INO80: variants seen among roughly 807,000 people sequenced by gnomAD.
INO80 encodes INO80 complex ATPase subunit, also known as chromatin-remodeling ATPase INO80.
INO80 carries 20 observed loss-of-function variants against 203.4 expected under a neutral mutation model. The ratio of observed to expected loss-of-function variants is 0.10; its 90% CI spans 0.07 to 0.14. INO80 has a LOEUF of 0.14. Among genes scored for constraint, INO80 ranks in the 10% least tolerant of loss-of-function variants. The pLI is 1.00. For synonymous variants in INO80, 726 were observed against 685.2 expected (o/e 1.06, Z -0.93); for missense variants, 1,419 against 1,914.4 (o/e 0.74, Z 4.83).
chr15:41,061,093 G>A (rs2045096519), intron 14 of INO80, among the ~76,000 whole-genome samples: 1 of 152,132 alleles, frequency 6.6e-6, no homozygotes, highest in African/African-American at 2.4e-5. Context: ...GATCACCTGA[G>A]CATGGGAGTT....
chr15:40,980,749 A>G (rs1187719321), intron 35 of INO80, among the ~76,000 whole-genome samples: 1 of 152,204 alleles, frequency 6.6e-6, no homozygotes, highest in African/African-American at 2.4e-5. Flanking sequence ...CTGAGACACC[A>G]AAGTTACAGG....
At chr15:41,052,807 T>C (rs2044902997) in intron 19 of INO80, among the ~76,000 whole-genome samples, 1 of 149,188 alleles carries the variant, frequency 6.7e-6, no homozygotes, top group African/African-American at 2.5e-5. Flanking sequence ...GGTGAATCCT[T>C]TGAACTCAGT....
At chr15:41,016,430 T>C (rs183728365) in intron 26 of INO80, among the ~76,000 whole-genome samples, 1 of 152,316 alleles carries the variant, frequency 6.6e-6, no homozygotes, top group Admixed American at 6.5e-5. Flanking sequence ...GAAGTGCAGA[T>C]TCCCTGATCA....
chr15:41,099,408 C>T (rs984803276), intron 1 of INO80, among the ~76,000 whole-genome samples: 3 of 151,520 alleles, frequency 2.0e-5, no homozygotes, highest in Admixed American at 6.6e-5. Flanking sequence ...ATATACTGAA[C>T]TGTATATTTT....
At chr15:41,107,010 T>C (rs1221847292) in intron 1 of INO80, among the ~76,000 whole-genome samples, 1 of 152,234 alleles carries the variant, frequency 6.6e-6, no homozygotes, top group Non-Finnish European at 1.5e-5. Flanking sequence ...TCAATTAAAG[T>C]ATAACGCTTA....
At chr15:41,082,234 G>A (rs1263016029) in intron 7 of INO80, among the ~76,000 whole-genome samples, 1 of 128,528 alleles carries the variant, frequency 7.8e-6, no homozygotes, top group Non-Finnish European at 1.6e-5. Flanking sequence ...TGGGTGACAA[G>A]AGCAAAACTC....
At chr15:40,981,812 C>T (rs1178862671) in intron 35 of INO80, among the ~76,000 whole-genome samples, 2 of 152,228 alleles carry the variant, frequency 1.3e-5, no homozygotes, top group Non-Finnish European at 2.9e-5. Flanking sequence ...AGCTCCTGCC[C>T]AGCAGGCCTC....
intron 15 of INO80, among the ~76,000 whole-genome samples, chr15:41,059,489 G>T (rs1164781978): frequency 2.0e-5 from 3 of 150,380 alleles, no homozygotes; most frequent in African/African-American, 7.3e-5. Context: ...GCCGGGCATG[G>T]TGTAGCGAGC....
At chr15:41,050,678 T>C (rs2044853729) in intron 19 of INO80, among the ~76,000 whole-genome samples, 1 of 152,176 alleles carries the variant, frequency 6.6e-6, no homozygotes, top group Non-Finnish European at 1.5e-5. Context: ...TCTGATATAG[T>C]ATAGACTGAT....
chr15:41,110,733 GTTT>G (rs1199633214), intron 1 of INO80, among the ~76,000 whole-genome samples: 1 of 152,110 alleles, frequency 6.6e-6, no homozygotes, highest in Non-Finnish European at 1.5e-5. Context: ...GAAGGTCTTG[GTTT>G]TTTATTTTAA....
intron 24 of INO80, among the ~76,000 whole-genome samples, chr15:41,044,078 C>CA (rs1480833554): frequency 6.6e-6 from 1 of 152,114 alleles, no homozygotes. Flanking sequence ...TGAATAATAG[C>CA]AAATCTCACA....
chr15:41,009,728 T>G (rs1030499118), intron 27 of INO80, among the ~76,000 whole-genome samples: 6 of 151,986 alleles, frequency 3.9e-5, no homozygotes, highest in Non-Finnish European at 8.8e-5. Flanking sequence ...GTTGGAACTA[T>G]AGGCATGCAC....
In INO80 at chr15:41,092,876, A is replaced by G. The variant is rs1041250985; in HGVS notation, c.382-694T>C. ...GTTCGAGACTAGCTTGGGCAACCTA[A>G]TAAGATCTCTTCTCTACAGAAAAAG... On this transcript the variant is annotated intron_variant, in intron 4 of 35. Transcript: ENST00000648947. 1.2e-4 allele frequency among the ~76,000 whole-genome samples: 18 copies of G among 152,148 alleles called. No homozygotes were observed. In the East Asian group the frequency reaches 3.3e-3, roughly 28 times the overall value.
Position 41,087,569 on chromosome 15 carries a change from T to C in INO80, c.651A>G (p.Lys217=). 1 of 1,613,758 alleles carries C rather than the reference T, an allele frequency of 6.2e-7. No individual in the cohort carries two copies. The highest frequency in any genetic ancestry group is 1.3e-5 in the African/African-American group (1 of 75,030). The change falls in exon 6 of 36, where the codon AAA becomes AAG. Residue 217 remains lysine (K), a synonymous_variant. Coordinates refer to ENST00000648947, the MANE Select transcript of INO80 (RefSeq NM_017553.3). ...PKKKKFKEEK[K]LKAKLKKVKK... ...GCAGTTCAACATGCTCACCTTTAAG[T>C]TTCTTTTCCTCCTTAAATTTCTTTT...
chr15:41,074,122 A>G (rs1480082684), intron 10 of INO80, among the ~76,000 whole-genome samples: 5 of 152,178 alleles, frequency 3.3e-5, no homozygotes, highest in Non-Finnish European at 7.3e-5. Flanking sequence ...TTCTACTAAC[A>G]AATCACAACA....
chr15:40,997,499 T>C (rs1195863942), intron 29 of INO80, 30 bp downstream of exon 29: 1 of 1,432,770 alleles, frequency 7.0e-7, no homozygotes, highest in Non-Finnish European at 9.9e-7. Context: ...AAAACCTGCA[T>C]ATCTAGTTGA....
Position 40,997,290 on chromosome 15 carries a change from C to CA in INO80, c.3570+238dup, listed in dbSNP as rs2043892847. ...GAGGCCCCATCTCAAAAAACAAAAACAAAAAAACTTGTTCAAAGAAAATGA... is the reference window on the plus strand; with the variant it reads ...GAGGCCCCATCTCAAAAAACAAAAACAAAAAAAACTTGTTCAAAGAAAATGA... On this transcript the variant is annotated intron_variant, in intron 29 of 35. Transcript: ENST00000648947. Among the ~76,000 whole-genome samples, 3 of 151,744 alleles carry CA rather than the reference C, an allele frequency of 2.0e-5. No individual in the cohort carries two copies. The South Asian group carries it at 6.2e-4, about 32-fold the overall frequency.
chr15:41,033,049 A>C (rs1230597427), intron 24 of INO80, among the ~76,000 whole-genome samples: 2 of 152,144 alleles, frequency 1.3e-5, no homozygotes, highest in Non-Finnish European at 2.9e-5. Context: ...CAACAACAAA[A>C]AAACAAACAA....
intron 27 of INO80, among the ~76,000 whole-genome samples, chr15:41,006,597 T>C (rs770908714): frequency 3.9e-4 from 59 of 152,366 alleles, no homozygotes; most frequent in Non-Finnish European, 8.1e-4. Flanking sequence ...GTAACTCTTA[T>C]ACTTGGTGGG....
Sources: allele counts gnomAD v4.1 joint callset (sites outside exome capture counted in the v4.1 genomes callset), GRCh38; gene constraint gnomAD v4.1.1; transcripts MANE v1.5; gene names NCBI Gene and HGNC (gene_info 2026-07-23, HGNC 2026-07-21).